Variants in COMMD10 observed in about 807,000 individuals in gnomAD.
The protein encoded by COMMD10 is COMM domain containing 10, also known as COMM domain-containing protein 10.
In COMMD10, 33 loss-of-function variants were observed where a neutral mutation model predicts 28.9. The ratio of observed to expected loss-of-function variants is 1.14; its 90% confidence interval spans 0.87 to 1.53. COMMD10 has a LOEUF of 1.53. Among genes scored for constraint, COMMD10 ranks in the 40% most tolerant of loss-of-function variants. The pLI is 0.00. For synonymous variants in COMMD10, 110 were observed against 81.7 expected, an observed-to-expected ratio of 1.35 and a Z score of -1.87; for missense variants, 310 against 233.4, an observed-to-expected ratio of 1.33 and a Z score of -2.14.
At chr5:116,170,719 A>C (rs1267132020) in intron 5 of COMMD10, among the ~76,000 whole-genome samples, 1 of 152,222 alleles carries the variant, frequency 6.6e-6, no homozygotes, top group Non-Finnish European at 1.5e-5. Context: ...AAACCTGACA[A>C]AAACAAGGAA....
chr5:116,219,385 G>A (rs911364472), intron 5 of COMMD10, among the ~76,000 whole-genome samples: 1 of 152,072 alleles, frequency 6.6e-6, no homozygotes, highest in African/African-American at 2.4e-5. Context: ...TGTGGACTGT[G>A]TAAGCATTAC....
chr5:116,259,793 C>T (rs892202430), intron 5 of COMMD10, among the ~76,000 whole-genome samples: 5 of 151,676 alleles, frequency 3.3e-5, no homozygotes, highest in Admixed American at 2.0e-4. Context: ...CTACCTTGTT[C>T]TGTTTCTCTA....
At chr5:116,173,749 A>G (rs1199831171) in intron 5 of COMMD10, among the ~76,000 whole-genome samples, 1 of 152,044 alleles carries the variant, frequency 6.6e-6, no homozygotes, top group Non-Finnish European at 1.5e-5. Context: ...AGAATTGCAC[A>G]TACTAACTGC....
At chr5:116,167,774 C>G (rs888149368) in intron 5 of COMMD10, among the ~76,000 whole-genome samples, 1 of 152,054 alleles carries the variant, frequency 6.6e-6, no homozygotes, top group Non-Finnish European at 1.5e-5. Flanking sequence ...TTACAGACAA[C>G]CAGATACTAA....
At chr5:116,120,698 A>T (rs11957456) in intron 4 of COMMD10, among the ~76,000 whole-genome samples, 137,048 of 151,612 alleles carry the variant, frequency 0.9, 62,108 homozygotes, top group African/African-American at 0.95. Context: ...CTGGCTTCAT[A>T]CACTGATTAT....
chr5:116,186,865 G>C (rs570381602), intron 5 of COMMD10, among the ~76,000 whole-genome samples: 1 of 152,124 alleles, frequency 6.6e-6, no homozygotes, highest in Non-Finnish European at 1.5e-5. Context: ...TTCCACTAGA[G>C]TTATTAAGCA....
chr5:116,169,737 C>T (rs1342742987), intron 5 of COMMD10, among the ~76,000 whole-genome samples: 1 of 152,132 alleles, frequency 6.6e-6, no homozygotes, highest in East Asian at 1.9e-4. Flanking sequence ...ATGACAAAAA[C>T]CACATTATTA....
intron 4 of COMMD10, among the ~76,000 whole-genome samples, chr5:116,123,187 A>T (rs563221415): frequency 6.6e-6 from 1 of 152,244 alleles, no homozygotes; most frequent in South Asian, 2.1e-4. Context: ...TACCTAGTTT[A>T]TTCCAACAAA....
chr5:116,123,801 G>T (rs968109605), intron 4 of COMMD10, among the ~76,000 whole-genome samples: 1 of 151,938 alleles, frequency 6.6e-6, no homozygotes, highest in Admixed American at 6.6e-5. Flanking sequence ...GTCTTGGGAG[G>T]GTGTATGTGT....
intron 5 of COMMD10, among the ~76,000 whole-genome samples, chr5:116,202,140 GT>G (rs1009446351): frequency 2.7e-5 from 4 of 149,528 alleles, no homozygotes; most frequent in Admixed American, 1.4e-4. Context: ...TGCAGTGTTT[GT>G]TTTTTTGTCC....
intron 5 of COMMD10, among the ~76,000 whole-genome samples, chr5:116,182,251 T>C (rs1747991508): frequency 6.6e-6 from 1 of 152,084 alleles, no homozygotes; most frequent in East Asian, 1.9e-4. Flanking sequence ...TAAGAACTGA[T>C]AGTAGTTTAG....
At chr5:116,202,288 T>A (rs1414016688) in intron 5 of COMMD10, among the ~76,000 whole-genome samples, 4 of 151,654 alleles carry the variant, frequency 2.6e-5, no homozygotes, top group Admixed American at 2.6e-4. Context: ...TCTATCATTG[T>A]TGGACATTTG....
intron 5 of COMMD10, among the ~76,000 whole-genome samples, chr5:116,228,280 G>A (rs948767047): frequency 5.9e-5 from 9 of 151,738 alleles, no homozygotes; most frequent in African/African-American, 1.9e-4. Context: ...ATAGTGCAAC[G>A]TCAGCCACAA....
Position 116,259,081 on chromosome 5 carries a change from T to TC in COMMD10, c.511-32434dup, listed in dbSNP as rs1225495905. ...CCTTTAATTTTTTTTTTTTTTTTTTTCCTGAGAGTCTCGCTTTCTCACCCA... is the reference window on the plus strand; with the variant it reads ...CCTTTAATTTTTTTTTTTTTTTTTTTCCCTGAGAGTCTCGCTTTCTCACCCA... On this transcript the variant is annotated intron_variant, in intron 5 of 6. Transcript: ENST00000274458. Among the ~76,000 whole-genome samples the TC allele has an allele frequency of 1.8e-3, 264 of 145,726 alleles. 3 individuals are homozygous for TC. The highest frequency in any genetic ancestry group is 6.2e-3 in the African/African-American group (246 of 39,550).
intron 5 of COMMD10, among the ~76,000 whole-genome samples, chr5:116,220,639 C>T (rs772900333): frequency 1.2e-4 from 19 of 152,238 alleles, no homozygotes; most frequent in African/African-American, 4.1e-4. Flanking sequence ...ATAACTCACA[C>T]GTCTGTTATT....
chr5:116,203,258 G>A (rs190050177), intron 5 of COMMD10, among the ~76,000 whole-genome samples: 7 of 152,188 alleles, frequency 4.6e-5, no homozygotes, highest in Admixed American at 2.6e-4. Flanking sequence ...CCAAATCTAC[G>A]TCTGATTAGT....
chr5:116,211,997 T>G (rs1748978996), intron 5 of COMMD10, among the ~76,000 whole-genome samples: 1 of 152,136 alleles, frequency 6.6e-6, no homozygotes, highest in Admixed American at 6.6e-5. Flanking sequence ...ACCTGCTTCT[T>G]TGTGTTGATT....
At position 116,207,069 on chromosome 5, in the gene COMMD10, CAT is replaced by C. The variant is rs561915662; in HGVS notation, c.510+72894_510+72895del. 3.0e-4 allele frequency among the ~76,000 whole-genome samples: 46 copies of C among 152,210 alleles called. 1 individual carries two copies. In the South Asian group the frequency reaches 9.1e-3, roughly 30 times the overall value. On this transcript the variant is annotated intron_variant, in intron 5 of 6. Coordinates refer to ENST00000274458, the MANE Select transcript of COMMD10 (RefSeq NM_016144.4). ...ATGTGAGAGAATCTGAAGTACTTTT[CAT>C]ATGTTTTTGTCCTTGAACTGAGTTA...
At chr5:116,287,621 C>G (rs1372628263) in intron 5 of COMMD10, among the ~76,000 whole-genome samples, 1 of 151,586 alleles carries the variant, frequency 6.6e-6, no homozygotes, top group Non-Finnish European at 1.5e-5. Context: ...TTGTTAGTTG[C>G]TGTCTATGTC....
Sources: allele counts gnomAD v4.1 joint callset (sites outside exome capture counted in the v4.1 genomes callset), GRCh38; gene constraint gnomAD v4.1.1; transcripts MANE v1.5; gene names NCBI Gene and HGNC (gene_info 2026-07-23, HGNC 2026-07-21).